The following TANGO6 variants were observed in gnomAD, a reference collection of about 807,000 sequenced individuals.
The protein encoded by TANGO6 is transport and Golgi organization protein 6 homolog.
A neutral mutation model predicts 114.2 loss-of-function variants in TANGO6; 90 were observed. That is an observed-to-expected ratio of 0.79 (90% CI 0.66 to 0.94). The LOEUF (loss-of-function observed/expected upper bound fraction) is 0.94, where lower values mean the gene tolerates loss of function less well. TANGO6 is among the 40% of genes least tolerant of loss of function. The pLI is 0.00. For missense variants in TANGO6, 1,274 were observed against 1,315.3 expected (o/e 0.97, Z 0.49); for synonymous variants, 477 against 509.8 (o/e 0.94, Z 0.87).
chr16:68,848,345 T>C (rs1387400745), intron 1 of TANGO6, among the ~76,000 whole-genome samples: 2 of 152,130 alleles, frequency 1.3e-5, no homozygotes, highest in African/African-American at 4.8e-5. Context: ...ATTTTTTAAA[T>C]ATAGAGAAAC....
chr16:68,891,303 A>AG (rs971625126), intron 7 of TANGO6, among the ~76,000 whole-genome samples: 4 of 151,450 alleles, frequency 2.6e-5, no homozygotes, highest in African/African-American at 9.7e-5. Flanking sequence ...AAAAAAAAAA[A>AG]AAAAAAGAAA....
chr16:69,045,542 G>T (rs1959843100), intron 17 of TANGO6, among the ~76,000 whole-genome samples: 1 of 151,286 alleles, frequency 6.6e-6, no homozygotes, highest in African/African-American at 2.4e-5. Context: ...AGGAGTTTGA[G>T]ACCAACCTGG....
chr16:69,021,198 C>A (rs973574994), intron 15 of TANGO6, among the ~76,000 whole-genome samples: 2 of 152,122 alleles, frequency 1.3e-5, no homozygotes, highest in African/African-American at 2.4e-5. Context: ...TGATCTACCC[C>A]ACCTTCCCAT....
At chr16:68,890,334 G>A (rs1962595072) in intron 7 of TANGO6, among the ~76,000 whole-genome samples, 1 of 152,186 alleles carries the variant, frequency 6.6e-6, no homozygotes, top group African/African-American at 2.4e-5. Context: ...CTTTTAACAT[G>A]AATTATCTTA....
chr16:69,072,836 C>T (rs1960316948), intron 17 of TANGO6, among the ~76,000 whole-genome samples: 1 of 152,006 alleles, frequency 6.6e-6, no homozygotes, highest in African/African-American at 2.4e-5. Context: ...TTCCTACCCA[C>T]ACGGAGAAAG....
At chr16:68,864,985 A>C (rs747111813) in intron 3 of TANGO6, among the ~76,000 whole-genome samples, 2 of 152,008 alleles carry the variant, frequency 1.3e-5, no homozygotes, top group Non-Finnish European at 2.9e-5. Context: ...TTACATACTT[A>C]AGTGCAGTGG....
chr16:69,063,474 G>A (rs1279067418), intron 17 of TANGO6, among the ~76,000 whole-genome samples: 5 of 151,050 alleles, frequency 3.3e-5, no homozygotes, highest in East Asian at 2.0e-4. Context: ...GCAGTGAACC[G>A]AGATCGCGCC....
intron 14 of TANGO6, among the ~76,000 whole-genome samples, chr16:68,933,425 A>G (rs1963267122): frequency 6.6e-6 from 1 of 152,192 alleles, no homozygotes; most frequent in African/African-American, 2.4e-5. Context: ...AGAAAACAGC[A>G]ACAACAACAA....
At chr16:68,876,884 A>G (rs952399171) in intron 5 of TANGO6, among the ~76,000 whole-genome samples, 41 of 152,188 alleles carry the variant, frequency 2.7e-4, no homozygotes, top group African/African-American at 9.4e-4. Flanking sequence ...TCATGGGTAC[A>G]TGGTATTTCA....
In TANGO6 at chr16:69,062,549, T is replaced by C. The variant is rs997133314; in HGVS notation, c.3109-20936T>C. Among the ~76,000 whole-genome samples the C allele has an allele frequency of 1.9e-4, 29 of 151,898 alleles. 1 individual carries two copies. Among genetic ancestry groups the C allele is most frequent in the Non-Finnish European group, 8.8e-5 (6 of 67,986 alleles). ...GTGCAGTGGCGTGATCTCGGCTCAC[T>C]GCAACCTCTGCCTCCCGGGTTCAAG... On this transcript the variant is annotated intron_variant, in intron 17 of 17. Coordinates refer to ENST00000261778, the MANE Select transcript of TANGO6 (RefSeq NM_024562.2).
At chr16:69,019,712 T>C (rs1196130902) in intron 15 of TANGO6, among the ~76,000 whole-genome samples, 1 of 151,056 alleles carries the variant, frequency 6.6e-6, no homozygotes, top group African/African-American at 2.5e-5. Flanking sequence ...TATTTCATTT[T>C]AGTTTTGTAG....
chr16:69,080,071 G>A (rs1376321528), intron 17 of TANGO6, among the ~76,000 whole-genome samples: 1 of 152,102 alleles, frequency 6.6e-6, no homozygotes, highest in East Asian at 1.9e-4. Flanking sequence ...AATGTTTATT[G>A]CAGCAATATT....
intron 5 of TANGO6, among the ~76,000 whole-genome samples, chr16:68,875,686 T>A (rs1962343231): frequency 1.3e-5 from 2 of 151,916 alleles, no homozygotes. Context: ...GGAGAACGGA[T>A]TGAACCCGGG....
intron 6 of TANGO6, 71 bp from the exon 7 acceptor site, chr16:68,880,477 C>T (rs1597002419): frequency 1.8e-6 from 2 of 1,119,070 alleles, no homozygotes; most frequent in East Asian, 5.1e-5. Flanking sequence ...GTAAAGCTTC[C>T]TTCCTTAGCT....
At chr16:69,057,240 A>C (rs1287237164) in intron 17 of TANGO6, among the ~76,000 whole-genome samples, 1 of 151,964 alleles carries the variant, frequency 6.6e-6, no homozygotes, top group Non-Finnish European at 1.5e-5. Flanking sequence ...CTCTCAGTTT[A>C]TATGGTAGTT....
At chr16:69,035,816 C>A (rs1959676373) in intron 16 of TANGO6, 1 of 152,168 alleles carries the variant, frequency 6.6e-6, no homozygotes. Context: ...CTTTAGGAGG[C>A]CAAGGTGGGC....
chr16:68,980,767 G>A (rs1265066419), intron 15 of TANGO6, among the ~76,000 whole-genome samples: 1 of 152,082 alleles, frequency 6.6e-6, no homozygotes, highest in African/African-American at 2.4e-5. Context: ...GGGAGGCCGA[G>A]GTGGGCGGAT....
At chr16:68,899,602 A>C (rs1015455587) in intron 7 of TANGO6, among the ~76,000 whole-genome samples, 21 of 151,222 alleles carry the variant, frequency 1.4e-4, no homozygotes, top group African/African-American at 4.6e-4. Flanking sequence ...CAGTGCAATT[A>C]CTTTTCTTTT....
rs981444293 is a variant in TANGO6, at chr16:69,024,918, C to T, written c.2994+1939C>T. Reference sequence around the variant, plus strand: ...CACCTTCCAGGTTCAAGCGATTCTCCCGCATTAGCCTCTTGAGTAGCTAGG... The same window carrying T: ...CACCTTCCAGGTTCAAGCGATTCTCTCGCATTAGCCTCTTGAGTAGCTAGG... On this transcript the variant is annotated intron_variant, in intron 16 of 17. Coordinates refer to ENST00000261778, the MANE Select transcript of TANGO6 (RefSeq NM_024562.2). Among the ~76,000 whole-genome samples the T allele has an allele frequency of 9.0e-4, 137 of 152,156 alleles. 1 individual carries two copies. Among genetic ancestry groups the T allele is most frequent in the Non-Finnish European group, 8.8e-5 (6 of 68,030 alleles).
Sources: allele counts gnomAD v4.1 joint callset (sites outside exome capture counted in the v4.1 genomes callset), GRCh38; gene constraint gnomAD v4.1.1; transcripts MANE v1.5; gene names NCBI Gene and HGNC (gene_info 2026-07-23, HGNC 2026-07-21).